Variants in CELF2 observed in about 807,000 individuals in gnomAD.
The protein encoded by CELF2 is CUG triplet repeat RNA-binding protein 2.
Under a neutral mutation model 62.6 loss-of-function variants are expected in CELF2, and 8 were observed. The ratio of observed to expected loss-of-function variants is 0.13; its 90% CI spans 0.07 to 0.23. CELF2 has a LOEUF of 0.23. CELF2 is among the 10% of genes least tolerant of loss of function. CELF2 has a pLI of 1.00. For missense variants in CELF2, 333 were observed against 671.0 expected (o/e 0.50, Z 5.56); for synonymous variants, 258 against 250.0 (o/e 1.03, Z -0.30).
At chr10:10,601,450 A>G in the CELF2 span, among the ~76,000 whole-genome samples, 1 of 152,360 alleles carries the variant, frequency 6.6e-6, no homozygotes, top group African/African-American at 2.4e-5. Flanking sequence ...ACTTAAACCT[A>G]GAACAGCACA....
chr10:11,258,835 C>T lies in CELF2; in HGVS notation c.538+963C>T, dbSNP rs548882193. 1.2e-4 allele frequency among the ~76,000 whole-genome samples: 18 copies of T among 152,288 alleles called. No homozygotes were observed. The South Asian group carries it at 2.7e-3, about 23-fold the overall frequency. On this transcript the variant is annotated intron_variant, in intron 5 of 12. Coordinates refer to ENST00000633077, the MANE Select transcript of CELF2 (RefSeq NM_001326342.2). ...CCGAGGAGCTGGGACGACAGGTGCA[C>T]GCTACCACGCCTGGCCAACTTTTGT...
chr10:10,582,659 G>A, the CELF2 span, among the ~76,000 whole-genome samples: 1 of 152,042 alleles, frequency 6.6e-6, no homozygotes, highest in Non-Finnish European at 1.5e-5. Flanking sequence ...GCATTGTTGA[G>A]TACTCTTCAT....
In CELF2 at chr10:11,077,201, A is replaced by C. The variant is rs777946426; in HGVS notation, c.74+59038A>C. ...TATAAATACCAGATTTTCAGTGTAC[A>C]GAGGGGTTGTAAGAACCAAGTGTGC... On this transcript the variant is annotated intron_variant, in intron 1 of 12. Coordinates refer to ENST00000633077, the MANE Select transcript of CELF2 (RefSeq NM_001326342.2). 2.0e-4 allele frequency among the ~76,000 whole-genome samples: 30 copies of C among 152,360 alleles called. 1 individual carries two copies. The highest frequency in any genetic ancestry group is 8.8e-5 in the Non-Finnish European group (6 of 68,022).
At position 11,329,256 on chromosome 10, in the gene CELF2, T is replaced by G; in HGVS notation, c.*203T>G. 1 of 395,078 alleles carries G rather than the reference T, an allele frequency of 2.5e-6. No individual in the cohort carries two copies. Among genetic ancestry groups the G allele is most frequent in the Non-Finnish European group, 4.5e-6 (1 of 224,040 alleles). 24.5% of individuals were successfully genotyped at this position (395,078 alleles called of 1,614,324 possible). ...ATAATTAAAACTTGGGCTACTTTGT[T>G]TCTATTGAGTAATTCCTCCTCCAGT... On this transcript the variant is annotated 3_prime_UTR_variant, in exon 13 of 13. Coordinates refer to ENST00000633077, the MANE Select transcript of CELF2 (RefSeq NM_001326342.2). This position sits in a 1 kb window ranked among gnomAD's most constrained non-coding sequence, Gnocchi z 5.5.
At chr10:10,663,617 T>C in the CELF2 span, among the ~76,000 whole-genome samples, 6 of 152,228 alleles carry the variant, frequency 3.9e-5, no homozygotes, top group Non-Finnish European at 8.8e-5. Context: ...AAATTGTTTG[T>C]GGATGCTGGA....
chr10:10,961,371 G>A (rs981494807), intron 2 of CELF2, among the ~76,000 whole-genome samples: 3 of 152,178 alleles, frequency 2.0e-5, no homozygotes, highest in East Asian at 3.9e-4. Context: ...GTAAGGAGTG[G>A]GTGATATTCT....
intron 2 of CELF2, chr10:10,944,256 A>C (rs2047394159): frequency 6.6e-6 from 1 of 152,634 alleles, no homozygotes; most frequent in Admixed American, 6.5e-5. Flanking sequence ...ACCATTGAGC[A>C]CCTCTGTCTT....
intron 2 of CELF2, among the ~76,000 whole-genome samples, chr10:11,173,651 C>G (rs1003820107): frequency 6.6e-6 from 1 of 152,092 alleles, no homozygotes; most frequent in African/African-American, 2.4e-5. Flanking sequence ...ACATACAGCC[C>G]CAGATTCTAA....
At chr10:11,053,829 C>A (rs111471794) in intron 1 of CELF2, among the ~76,000 whole-genome samples, 1 of 151,808 alleles carries the variant, frequency 6.6e-6, no homozygotes, top group East Asian at 1.9e-4. Flanking sequence ...TTAGCCAGGA[C>A]GGTCTCAATC....
At chr10:11,212,835 G>A (rs1307216827) in intron 2 of CELF2, among the ~76,000 whole-genome samples, 8 of 147,742 alleles carry the variant, frequency 5.4e-5, no homozygotes, top group South Asian at 2.2e-4. Context: ...GAAGTCACCC[G>A]GGCATGGAAC....
At chr10:11,262,716 C>T (rs1590094489) in intron 5 of CELF2, among the ~76,000 whole-genome samples, 1 of 152,132 alleles carries the variant, frequency 6.6e-6, no homozygotes, top group Non-Finnish European at 1.5e-5. Context: ...GTATGTTTAA[C>T]GTTGCTACTG....
intron 2 of CELF2, among the ~76,000 whole-genome samples, chr10:11,188,850 T>C (rs1316691637): frequency 6.6e-6 from 1 of 152,200 alleles, no homozygotes; most frequent in Non-Finnish European, 1.5e-5. Flanking sequence ...TGTTTCTCTA[T>C]TCCATTTTGA....
In CELF2 at chr10:11,207,286, CAG is replaced by C. The variant is rs1184554329; in HGVS notation, c.272-10138_272-10137del. 6.6e-6 allele frequency among the ~76,000 whole-genome samples: 1 copy of C among 152,186 alleles called. No homozygotes were observed. Among genetic ancestry groups the C allele is most frequent in the East Asian group, 1.9e-4 (1 of 5,194 alleles). ...GAAACTCCATTTTCCTCGCAGAAAA[CAG>C]GGAGCTTGCTAGTCTTCACGGGGTC... On this transcript the variant is annotated intron_variant, in intron 2 of 12. Coordinates refer to ENST00000633077, the MANE Select transcript of CELF2 (RefSeq NM_001326342.2). This position sits in a 1 kb window ranked among gnomAD's most constrained non-coding sequence, Gnocchi z 4.1.
At chr10:11,009,287 C>A (rs2055958420) in intron 1 of CELF2, among the ~76,000 whole-genome samples, 1 of 151,704 alleles carries the variant, frequency 6.6e-6, no homozygotes. Flanking sequence ...TAAATGGCAT[C>A]AATTCACAGA....
the CELF2 span, among the ~76,000 whole-genome samples, chr10:10,740,590 A>G: frequency 6.6e-6 from 1 of 152,072 alleles, no homozygotes; most frequent in Admixed American, 6.6e-5. Flanking sequence ...CGCCCTCCCA[A>G]AAAAAAGATG....
At position 11,068,044 on chromosome 10, in the gene CELF2, G is replaced by A. The variant is rs144017311; in HGVS notation, c.74+49881G>A. ...CTTAGGCAAAAATTCTGAAGCAATAGTGGGCACTTCTCACCCATTATGACA... is the reference window on the plus strand; with the variant it reads ...CTTAGGCAAAAATTCTGAAGCAATAATGGGCACTTCTCACCCATTATGACA... On this transcript the variant is annotated intron_variant, in intron 1 of 12. Transcript: ENST00000633077. Among the ~76,000 whole-genome samples the A allele has an allele frequency of 7.7e-4, 118 of 152,290 alleles. 2 individuals carry two copies. The highest frequency in any genetic ancestry group is 1.5e-3 in the Non-Finnish European group (100 of 68,024).
At chr10:11,062,675 GAAAT>G (rs1310888803) in intron 1 of CELF2, among the ~76,000 whole-genome samples, 1 of 152,220 alleles carries the variant, frequency 6.6e-6, no homozygotes, top group African/African-American at 2.4e-5. Flanking sequence ...GATGAGCAAA[GAAAT>G]CGGTTTCTGG....
At chr10:11,194,555 C>T (rs761732982) in intron 2 of CELF2, among the ~76,000 whole-genome samples, 1 of 152,160 alleles carries the variant, frequency 6.6e-6, no homozygotes, top group Non-Finnish European at 1.5e-5. Flanking sequence ...ACATTGACCA[C>T]TGAAGGGTAG....
intron 1 of CELF2, among the ~76,000 whole-genome samples, chr10:11,147,671 A>G (rs1022068503): frequency 1.3e-5 from 2 of 152,254 alleles, no homozygotes; most frequent in South Asian, 4.1e-4. Context: ...ATGCAAGGCA[A>G]GTGGATTCCT....
Sources: gnomAD v4.1 joint callset for allele counts (sites outside exome capture counted in the v4.1 genomes callset) on GRCh38, gnomAD v4.1.1 for gene constraint, Gnocchi (gnomAD v3.1) non-coding constraint, MANE v1.5 for transcripts, NCBI Gene and HGNC (gene_info 2026-07-23, HGNC 2026-07-21) for gene names.